The following COG3 variants were observed in gnomAD, a reference collection of about 807,000 sequenced individuals.
COG3 encodes the protein component of oligomeric golgi complex 3.
In COG3, 32 loss-of-function variants were observed where a neutral mutation model predicts 114.1. The observed-to-expected ratio is 0.28, with a 90% confidence interval of 0.21 to 0.38. COG3 has a LOEUF of 0.38. Ranked by LOEUF, COG3 falls within the 10% of genes least tolerant of loss-of-function variation. The pLI is 1.00. For synonymous variants in COG3, 352 were observed against 365.7 expected, an observed-to-expected ratio of 0.96 and a Z score of 0.43; for missense variants, 813 against 973.2, an observed-to-expected ratio of 0.84 and a Z score of 2.19.
intron 16 of COG3, among the ~76,000 whole-genome samples, chr13:45,515,854 C>T (rs963630304): frequency 5.3e-5 from 8 of 152,198 alleles, no homozygotes; most frequent in Non-Finnish European, 8.8e-5. Context: ...TCTACCTCTG[C>T]ACCAGGTGAA....
At chr13:45,478,454 C>A (rs1593681334) in intron 2 of COG3, among the ~76,000 whole-genome samples, 1 of 151,214 alleles carries the variant, frequency 6.6e-6, no homozygotes, top group South Asian at 2.1e-4. Flanking sequence ...GCTGAGATTA[C>A]AGGCGTGAGC....
intron 22 of COG3, chr13:45,531,980 T>TA: frequency 6.6e-6 from 1 of 152,316 alleles, no homozygotes; most frequent in African/African-American, 2.4e-5. Flanking sequence ...CTCACCACTA[T>TA]CTAATTAGAA....
At chr13:45,524,636 G>A (rs1041910444) in intron 19 of COG3, among the ~76,000 whole-genome samples, 1 of 152,166 alleles carries the variant, frequency 6.6e-6, no homozygotes, top group Non-Finnish European at 1.5e-5. Context: ...GTCCCCTTAA[G>A]AGACACCTGT....
intron 1 of COG3, among the ~76,000 whole-genome samples, chr13:45,472,654 A>G (rs1366193848): frequency 6.6e-6 from 1 of 151,936 alleles, no homozygotes; most frequent in Non-Finnish European, 1.5e-5. Flanking sequence ...GGTATTCTTC[A>G]TCTTTGTTAC....
chr13:45,526,515 G>A (rs2137923067), intron 20 of COG3, among the ~76,000 whole-genome samples: 1 of 152,246 alleles, frequency 6.6e-6, no homozygotes, highest in Non-Finnish European at 1.5e-5. Context: ...AGGAAGATAG[G>A]ATTTTATTTC....
chr13:45,491,435 T>C lies in COG3; in HGVS notation c.992T>C (p.Ile331Thr), dbSNP rs1168750765. 2.5e-6 allele frequency: 4 copies of C among 1,611,574 alleles called. No homozygotes were observed. Among genetic ancestry groups the C allele is most frequent in the Admixed American group, 3.4e-5 (2 of 59,246 alleles). Residue 331 changes from isoleucine to threonine, a missense_variant, in exon 10 of 23, where the codon ATC becomes ACC. Physicochemically the swap from Ile to Thr is moderately conservative, Grantham distance 89. Transcript: ENST00000349995. ...IPEYQQLLND[I>T]HQCYLDQREL... Reference sequence around the variant, plus strand: ...AGATACCAACAACTGCTAAATGATATCCACCAGTGTTACCTTGATCAGCGG... The same window carrying C: ...AGATACCAACAACTGCTAAATGATACCCACCAGTGTTACCTTGATCAGCGG...
At chr13:45,494,343 AAC>A (rs1161304644) in intron 12 of COG3, among the ~76,000 whole-genome samples, 4 of 151,760 alleles carry the variant, frequency 2.6e-5, no homozygotes, top group African/African-American at 7.3e-5. Context: ...AAAAAAAAAA[AAC>A]AACCTTTCAA....
At chr13:45,465,283 G>T in intron 1 of COG3, 73 bp downstream of exon 1, 1 of 1,560,006 alleles carries the variant, frequency 6.4e-7, no homozygotes, top group Non-Finnish European at 8.7e-7. Flanking sequence ...GCAGGACCCC[G>T]GCCTCACTAG....
intron 22 of COG3, among the ~76,000 whole-genome samples, chr13:45,532,332 A>G (rs769519324): frequency 6.6e-6 from 1 of 152,156 alleles, no homozygotes; most frequent in Non-Finnish European, 1.5e-5. Context: ...TGATTGTACC[A>G]CTAACTCGAT....
At position 45,535,848 on chromosome 13, in the gene COG3, C is replaced by A; in HGVS notation, c.*1117C>A. 5.1e-6 allele frequency: 5 copies of A among 987,540 alleles called. No homozygotes were observed. Among genetic ancestry groups the A allele is most frequent in the Non-Finnish European group, 6.0e-6 (5 of 830,108 alleles). The allele number at this position is 987,540 out of a possible 1,614,324, so 61.2% of individuals were successfully genotyped here. ...TACTTCCTGATTGGATTGGTTTTGC[C>A]GCTGATGTTAAGGCAGCCAGCTTCT... On this transcript the variant is annotated 3_prime_UTR_variant, in exon 23 of 23. Coordinates refer to ENST00000349995, the MANE Select transcript of COG3 (RefSeq NM_031431.4).
chr13:45,512,004 T>C (rs961581953), intron 16 of COG3, 150 bp downstream of exon 16: 13 of 631,732 alleles, frequency 2.1e-5, no homozygotes, highest in African/African-American at 2.0e-4. Context: ...GAAACTGTTA[T>C]TTCATTATAG....
intron 22 of COG3, among the ~76,000 whole-genome samples, chr13:45,532,879 G>GA (rs544155435): frequency 6.6e-6 from 1 of 151,016 alleles, no homozygotes; most frequent in South Asian, 2.1e-4. Context: ...AGGGTAACTT[G>GA]TTTTTTTTTA....
intron 1 of COG3, among the ~76,000 whole-genome samples, chr13:45,467,162 T>A (rs962850344): frequency 9.9e-5 from 15 of 152,170 alleles, no homozygotes; most frequent in African/African-American, 3.4e-4. Context: ...GCTAGCCTCA[T>A]AAAGACTAAA....
intron 14 of COG3, among the ~76,000 whole-genome samples, chr13:45,507,550 C>T (rs1036293012): frequency 6.6e-6 from 1 of 151,440 alleles, no homozygotes; most frequent in Non-Finnish European, 1.5e-5. Flanking sequence ...AGATCACCCA[C>T]GGTCAGGAGT....
At position 45,476,207 on chromosome 13, in the gene COG3, A is replaced by G. The variant is rs563015747; in HGVS notation, c.181A>G (p.Ile61Val). The change falls in exon 2 of 23, where the codon ATT (isoleucine) becomes GTT (valine). Residue 61 changes from isoleucine to valine, a missense_variant. By Grantham distance (29) the Ile-to-Val change is conservative. Transcript: ENST00000349995. ...GTGACTCTCTTTTTTCAAGCTTCCA[A>G]TTGAAGACTTGTGCAGTTTAACATC... ...ENLPVPAELP[I>V]EDLCSLTSQS... The G allele has an allele frequency of 2.0e-5, 33 of 1,613,626 alleles. No homozygotes were observed. Among genetic ancestry groups the G allele is most frequent in the South Asian group, 1.6e-4 (15 of 91,006 alleles).
rs957186707 is a variant in COG3, at chr13:45,535,802, A to G, written c.*1071A>G. ...CAGGGATCATAAATTATGCATATCT[A>G]TGAATTTTCCAACAAATTCCTACTT... On this transcript the variant is annotated 3_prime_UTR_variant, in exon 23 of 23. Transcript: ENST00000349995. 14 of 987,608 alleles carry G rather than the reference A, an allele frequency of 1.4e-5. No homozygotes were observed. The highest frequency in any genetic ancestry group is 1.7e-5 in the Non-Finnish European group (14 of 830,112). The allele number at this position is 987,608 out of a possible 1,614,324, so 61.2% of individuals were successfully genotyped here.
At chr13:45,482,000 A>G (rs1886275566) in intron 5 of COG3, among the ~76,000 whole-genome samples, 1 of 152,160 alleles carries the variant, frequency 6.6e-6, no homozygotes, top group South Asian at 2.1e-4. Context: ...CTGCTAGTTA[A>G]TCCTTTAATC....
At chr13:45,467,784 G>A (rs1439422726) in intron 1 of COG3, among the ~76,000 whole-genome samples, 2 of 152,130 alleles carry the variant, frequency 1.3e-5, no homozygotes, top group Admixed American at 1.3e-4. Context: ...AAAAGAGAGT[G>A]CCACAATTTT....
In COG3 at chr13:45,491,464, C is replaced by A; in HGVS notation, c.1021C>A (p.Leu341Ile). The A allele has an allele frequency of 6.2e-7, 1 of 1,613,660 alleles. No homozygotes were observed. Among genetic ancestry groups the A allele is most frequent in the South Asian group, 1.1e-5 (1 of 91,038 alleles). ...CCAGTGTTACCTTGATCAGCGGGAG[C>A]TCCTTTTGGGCCCTAGTATTGCTTG... Reference protein sequence around the residue: ...IHQCYLDQRELLLGPSIACTV... With the variant: ...IHQCYLDQREILLGPSIACTV... Residue 341 changes from leucine (L) to isoleucine (I), a missense_variant, in exon 10 of 23, where the codon CTC becomes ATC. Transcript: ENST00000349995.
Sources: gnomAD v4.1 joint callset for allele counts (sites outside exome capture counted in the v4.1 genomes callset) on GRCh38, gnomAD v4.1.1 for gene constraint, MANE v1.5 for transcripts, NCBI Gene and HGNC (gene_info 2026-07-23, HGNC 2026-07-21) for gene names.